The following NAF1 variants were observed in gnomAD, a reference collection of about 807,000 sequenced individuals.
The protein encoded by NAF1 is H/ACA ribonucleoprotein complex non-core subunit NAF1.
Under a neutral mutation model 40.6 loss-of-function variants are expected in NAF1, and 11 were observed. The ratio of observed to expected loss-of-function variants is 0.27; its 90% CI spans 0.17 to 0.45. The LOEUF (loss-of-function observed/expected upper bound fraction) is 0.45, where lower values mean the gene tolerates loss of function less well. Ranked by LOEUF, NAF1 falls within the 20% of genes least tolerant of loss-of-function variation. NAF1 has a pLI of 1.00. For synonymous variants in NAF1, 260 were observed against 228.5 expected (o/e 1.14, Z -1.24); for missense variants, 607 against 611.1 (o/e 0.99, Z 0.07).
At position 163,164,419 on chromosome 4, in the gene NAF1, T is replaced by C. The variant is rs766434635; in HGVS notation, c.366-28A>G. 4 of 1,446,116 alleles carry C rather than the reference T, an allele frequency of 2.8e-6. No homozygotes were observed. In the East Asian group the frequency reaches 7.7e-5, roughly 28 times the overall value. The allele number at this position is 1,446,116 out of a possible 1,614,324, so 89.6% of individuals were successfully genotyped here. A position where few individuals can be genotyped will look rare whatever the true frequency, so the allele number is the denominator to read the frequency against. Reference sequence around the variant, plus strand: ...GTAGGGAAGAAAACAGTTAAAAAAATAGTCCAGTATTATTATACTAATATT... The same window carrying C: ...GTAGGGAAGAAAACAGTTAAAAAAACAGTCCAGTATTATTATACTAATATT... On this transcript the variant is annotated intron_variant, in intron 1 of 7. Transcript: ENST00000274054.
chr4:163,129,908 G>A (rs1730803552), intron 7 of NAF1, among the ~76,000 whole-genome samples: 1 of 152,164 alleles, frequency 6.6e-6, no homozygotes, highest in South Asian at 2.1e-4. Context: ...TGGTGTCAGT[G>A]CATACCATAT....
chr4:163,112,414 CAT>C (rs1730189765), intron 2 of NAF1, among the ~76,000 whole-genome samples: 1 of 152,130 alleles, frequency 6.6e-6, no homozygotes, highest in Non-Finnish European at 1.5e-5. Flanking sequence ...GAATACTGAA[CAT>C]GTGTTAGGGA....
intron 3 of NAF1, 85 bp downstream of exon 3, chr4:163,148,256 G>A: frequency 2.6e-6 from 2 of 778,922 alleles, no homozygotes; most frequent in Non-Finnish European, 3.9e-6. Flanking sequence ...GTATGTCAAA[G>A]AAAATTTACT....
In NAF1 at chr4:163,166,715, C is replaced by G. The variant is rs1327804230; in HGVS notation, c.13G>C (p.Glu5Gln). 2 of 1,613,392 alleles carry G rather than the reference C, an allele frequency of 1.2e-6. No homozygotes were observed. The highest frequency in any genetic ancestry group is 1.7e-6 in the Non-Finnish European group (2 of 1,179,976). ...GTTTCCAGCTGAGCGGCGGCGGCCT[C>G]CACTACCTCCATCGCACCGCGCCAG... Reference protein sequence around the residue: MEVVEAAAAQLETLK... With the variant: MEVVQAAAAQLETLK... The change falls in exon 1 of 8, where the codon GAG (glutamate) becomes CAG (glutamine). Residue 5 changes from glutamate (E) to glutamine (Q), a missense_variant. Around this residue, in one of 3 missense-constraint regions of NAF1, gnomAD observed 407 missense variants for 365.5 expected, o/e 1.11. Coordinates refer to ENST00000274054, the MANE Select transcript of NAF1 (RefSeq NM_138386.3).
chr4:163,129,260 T>C lies in NAF1; in HGVS notation c.1122A>G (p.Thr374=), dbSNP rs1327682854. 6.2e-7 allele frequency: 1 copy of C among 1,614,134 alleles called. No individual in the cohort carries two copies. Among genetic ancestry groups the C allele is most frequent in the Admixed American group, 1.7e-5 (1 of 60,024 alleles). ...GGTATCTGGCCCTGGAAAATCCTCG[T>C]GTGAATTCTCTGTTACGATATCCTT... ...HAKGYRNREF[T]RGFSRARYPR... Residue 374 remains threonine (T), a synonymous_variant, in exon 8 of 8, where the codon ACA becomes ACG. Transcript: ENST00000274054.
In NAF1 at chr4:163,129,325, G is replaced by T; in HGVS notation, c.1057C>A (p.Gln353Lys). ...GCAGAGCTATGAGCATTCCAATTCT[G>T]ATGTACTTCAGTAAAATCTTCACCT... ...EPGEDFTEVH[Q>K]NWNAHSSASE... Residue 353 changes from glutamine to lysine, a missense_variant, in exon 8 of 8, where the codon CAG (glutamine) becomes AAG (lysine). Transcript: ENST00000274054. 6.2e-7 allele frequency: 1 copy of T among 1,609,926 alleles called. No homozygotes were observed. The highest frequency in any genetic ancestry group is 8.5e-7 in the Non-Finnish European group (1 of 1,176,370).
chr4:163,151,357 T>C (rs1309216615), intron 2 of NAF1, among the ~76,000 whole-genome samples: 1 of 151,874 alleles, frequency 6.6e-6, no homozygotes, highest in East Asian at 1.9e-4. Flanking sequence ...GTTTTCTTTA[T>C]TTCTCTAGTT....
rs1375801443 is a variant in NAF1, at chr4:163,119,837, A to G, written c.115-9547T>C. 2.0e-5 allele frequency: 3 copies of G among 152,338 alleles called. No homozygotes were observed. In the East Asian group the frequency reaches 5.8e-4, roughly 29 times the overall value. 9.4% of individuals were successfully genotyped at this position (152,338 alleles called of 1,614,324 possible). ...CACAACAGCAATTTGATATAGTTTAATAGGATTTGAATGAATAAAATTAAT... is the reference window on the plus strand; with the variant it reads ...CACAACAGCAATTTGATATAGTTTAGTAGGATTTGAATGAATAAAATTAAT... On this transcript the variant is annotated intron_variant, in intron 2 of 2. Transcript: ENST00000509434.
At chr4:163,113,513 A>G (rs1046806148) in intron 2 of NAF1, among the ~76,000 whole-genome samples, 64 of 152,122 alleles carry the variant, frequency 4.2e-4, no homozygotes, top group Non-Finnish European at 8.5e-4. Context: ...AGATGCATCC[A>G]CAATGCTGCA....
intron 2 of NAF1, among the ~76,000 whole-genome samples, chr4:163,153,359 A>G (rs1400931915): frequency 6.6e-6 from 1 of 152,110 alleles, no homozygotes; most frequent in East Asian, 1.9e-4. Context: ...TAGCTCTGGG[A>G]TTGTAAACAC....
rs1219281511 is a variant in NAF1, at chr4:163,129,204, T to A, written c.1178A>T (p.Gln393Leu). The A allele has an allele frequency of 6.2e-7, 1 of 1,613,828 alleles. No homozygotes were observed. Among genetic ancestry groups the A allele is most frequent in the Non-Finnish European group, 8.5e-7 (1 of 1,179,850 alleles). The change falls in exon 8 of 8, where the codon CAG (glutamine) becomes CTG (leucine). Residue 393 changes from glutamine to leucine, a missense_variant. Around this residue, in one of 3 missense-constraint regions of NAF1, gnomAD observed 189 missense variants for 216.6 expected, o/e 0.87. Transcript: ENST00000274054. ...PRSCHGRPPP[Q>L]HFYNSEHMVS... ...CATATGTTCTGAGTTATAGAAATGC[T>A]GAGGTGGAGGCCTGCCATGGCAAGA...
intron 2 of NAF1, among the ~76,000 whole-genome samples, chr4:163,118,342 AAAG>A (rs1430568685): frequency 6.6e-6 from 1 of 152,260 alleles, no homozygotes; most frequent in Non-Finnish European, 1.5e-5. Context: ...CTTAAACAGA[AAAG>A]ATGATTTAAG....
chr4:163,154,900 A>C (rs954786129), intron 2 of NAF1, among the ~76,000 whole-genome samples: 1 of 151,884 alleles, frequency 6.6e-6, no homozygotes, highest in Non-Finnish European at 1.5e-5. Context: ...CAAAAAAAAA[A>C]AAACAGAGCG....
chr4:163,138,911 C>A (rs985593107), intron 5 of NAF1, among the ~76,000 whole-genome samples: 4 of 152,060 alleles, frequency 2.6e-5, no homozygotes, highest in African/African-American at 9.7e-5. Context: ...ATATTTAAAG[C>A]ATTTTAGAAC....
At chr4:163,104,859 G>A in the NAF1 span, among the ~76,000 whole-genome samples, 4 of 152,154 alleles carry the variant, frequency 2.6e-5, no homozygotes, top group Non-Finnish European at 5.9e-5. Context: ...GCTATTATTT[G>A]TGCATAAGAG....
chr4:163,113,925 T>A (rs570781162), intron 2 of NAF1, among the ~76,000 whole-genome samples: 2 of 152,314 alleles, frequency 1.3e-5, no homozygotes, highest in South Asian at 4.1e-4. Flanking sequence ...ATTCTCATCC[T>A]TAAAATTCTA....
intron 3 of NAF1, among the ~76,000 whole-genome samples, chr4:163,146,066 C>T (rs1396285857): frequency 2.6e-5 from 4 of 151,940 alleles, no homozygotes; most frequent in African/African-American, 7.3e-5. Flanking sequence ...ATTTTTAATA[C>T]AAAAAGCTAT....
intron 6 of NAF1, chr4:163,135,369 C>T (rs1235666645): frequency 1.3e-5 from 2 of 152,170 alleles, no homozygotes; most frequent in African/African-American, 4.8e-5. Flanking sequence ...CTGGAAAAAA[C>T]AAACACCATG....
At chr4:163,164,455 T>C in intron 1 of NAF1, 64 bp from the exon 2 acceptor site, 1 of 1,149,062 alleles carries the variant, frequency 8.7e-7, no homozygotes, top group South Asian at 2.0e-5. Context: ...AAAATAAGAT[T>C]ATTCAATTAA....
Sources: gnomAD v4.1 joint callset for allele counts (sites outside exome capture counted in the v4.1 genomes callset) on GRCh38, gnomAD v4.1.1 for gene constraint, gnomAD v4.1.1 regional missense constraint, MANE v1.5 for transcripts, NCBI Gene and HGNC (gene_info 2026-07-23, HGNC 2026-07-21) for gene names.